Variants in KCNT2 observed in about 807,000 individuals in gnomAD.
The protein encoded by KCNT2 is potassium channel subfamily T member 2.
KCNT2 carries 67 observed loss-of-function variants against 153.8 expected under a neutral mutation model. The ratio of observed to expected loss-of-function variants is 0.44; its 90% CI spans 0.36 to 0.53. The LOEUF is 0.53. KCNT2 is among the 20% of genes least tolerant of loss of function. KCNT2 has a pLI of 0.00. For missense variants in KCNT2, 975 were observed against 1,354.8 expected (o/e 0.72, Z 4.40); for synonymous variants, 500 against 458.8 (o/e 1.09, Z -1.15).
intron 14 of KCNT2, among the ~76,000 whole-genome samples, chr1:196,361,682 G>A (rs556881978): frequency 1.3e-5 from 2 of 152,184 alleles, no homozygotes; most frequent in East Asian, 3.9e-4. Context: ...GGTGGTGTGG[G>A]GTAATAGGAG....
chr1:196,257,266 G>T, intron 26 of KCNT2: 1 of 984,910 alleles, frequency 1.0e-6, no homozygotes, highest in Non-Finnish European at 1.2e-6. Context: ...TAATATGTGG[G>T]TTTTTTCCTT....
rs115128217 is a variant in KCNT2 at position 196,324,248 on chromosome 1, C to T, written c.2276+2469G>A. On this transcript the variant is annotated intron_variant, in intron 19 of 27. Coordinates refer to ENST00000294725, the MANE Select transcript of KCNT2 (RefSeq NM_198503.5). ...AGGAAGGCAAAGGGAACTTTTAATGCAAAAATAAACCAAAGTTAAGATATA... is the reference window on the plus strand; with the variant it reads ...AGGAAGGCAAAGGGAACTTTTAATGTAAAAATAAACCAAAGTTAAGATATA... Among the ~76,000 whole-genome samples, 711 of 151,850 alleles carry T rather than the reference C, an allele frequency of 4.7e-3. 4 individuals carry two copies. Among genetic ancestry groups the T allele is most frequent in the African/African-American group, 0.017 (690 of 41,490 alleles).
intron 22 of KCNT2, among the ~76,000 whole-genome samples, chr1:196,286,713 T>C (rs1041107801): frequency 6.6e-6 from 1 of 151,954 alleles, no homozygotes; most frequent in African/African-American, 2.4e-5. Context: ...TGATATGGTG[T>C]ATGAGGGTTT....
chr1:196,454,793 AT>A (rs1228789233), intron 8 of KCNT2, among the ~76,000 whole-genome samples: 1 of 151,876 alleles, frequency 6.6e-6, no homozygotes, highest in Non-Finnish European at 1.5e-5. Flanking sequence ...ACACAAATTC[AT>A]TTTCTCACAA....
intron 19 of KCNT2, among the ~76,000 whole-genome samples, chr1:196,321,731 C>G (rs1204768161): frequency 2.6e-5 from 4 of 151,808 alleles, no homozygotes; most frequent in Non-Finnish European, 4.4e-5. Flanking sequence ...ATGCCGTATT[C>G]TTTGCAAAAT....
chr1:196,343,959 T>C (rs1665911185), intron 14 of KCNT2, among the ~76,000 whole-genome samples: 1 of 152,110 alleles, frequency 6.6e-6, no homozygotes, highest in Non-Finnish European at 1.5e-5. Flanking sequence ...TTTGTATTTT[T>C]AGTAGAGATG....
Position 196,342,066 on chromosome 1 carries a change from G to T in KCNT2, c.1553+13C>A. ...GATTGATATTTTAATTTTTCTCTGA[G>T]GCAGAAACATACTTTTTGTGTGCAT... On this transcript the variant is annotated intron_variant, in intron 15 of 27. Coordinates refer to ENST00000294725, the MANE Select transcript of KCNT2 (RefSeq NM_198503.5). 1 of 1,591,860 alleles carries T rather than the reference G, an allele frequency of 6.3e-7. No homozygotes were observed. Among genetic ancestry groups the T allele is most frequent in the Admixed American group, 1.8e-5 (1 of 56,882 alleles).
At position 196,333,871 on chromosome 1, in the gene KCNT2, T is replaced by C; in HGVS notation, c.1973A>G (p.Asp658Gly). The change falls in exon 17 of 28, where the codon GAT (aspartate) becomes GGT (glycine). Residue 658 changes from aspartate to glycine, a missense_variant. By Grantham distance (94) the Asp-to-Gly change is moderately conservative. This residue lies in a region of KCNT2 where 325 missense variants were observed against 388.1 expected (regional missense o/e 0.84). Transcript: ENST00000294725. ...SDQSEDETTP[D>G]EEMSSNLEYA... ...CTCTAAGTTTGAAGACATTTCTTCA[T>C]CTGGTGTAGTTTCATCTTCTGATTG... 1.2e-6 allele frequency: 2 copies of C among 1,610,086 alleles called. No individual in the cohort carries two copies. The highest frequency in any genetic ancestry group is 1.7e-4 in the Middle Eastern group (1 of 6,034).
intron 26 of KCNT2, among the ~76,000 whole-genome samples, chr1:196,244,464 C>T (rs1655245590): frequency 6.6e-6 from 1 of 152,022 alleles, no homozygotes; most frequent in African/African-American, 2.4e-5. Flanking sequence ...CAAAGGGGTG[C>T]CTACTGTCCT....
At chr1:196,341,971 G>T in intron 15 of KCNT2, 108 bp downstream of exon 15, 1 of 1,129,006 alleles carries the variant, frequency 8.9e-7, no homozygotes. Context: ...AAAAATTCCG[G>T]AATGCCTAAA....
chr1:196,284,409 T>A (rs1038425794), intron 23 of KCNT2, among the ~76,000 whole-genome samples: 17 of 148,798 alleles, frequency 1.1e-4, no homozygotes, highest in African/African-American at 3.9e-4. Flanking sequence ...TATAGAACAG[T>A]TTTTAGAACA....
intron 1 of KCNT2, among the ~76,000 whole-genome samples, chr1:196,561,163 C>T (rs1659328293): frequency 6.6e-6 from 1 of 151,464 alleles, no homozygotes; most frequent in African/African-American, 2.4e-5. Context: ...TATTAATTAG[C>T]TTGATTTAAT....
chr1:196,590,457 T>C (rs1414861635), intron 1 of KCNT2, among the ~76,000 whole-genome samples: 1 of 152,152 alleles, frequency 6.6e-6, no homozygotes, highest in East Asian at 1.9e-4. Context: ...GTCACTGCAA[T>C]GGAGGACGGG....
chr1:196,498,156 A>G (rs1324761148), intron 1 of KCNT2, among the ~76,000 whole-genome samples: 4 of 152,228 alleles, frequency 2.6e-5, no homozygotes, highest in African/African-American at 9.6e-5. Flanking sequence ...GTTAAAATGC[A>G]ATTTTCCTGA....
chr1:196,444,972 C>T lies in KCNT2; in HGVS notation c.639-15215G>A, dbSNP rs940248019. On this transcript the variant is annotated intron_variant, in intron 8 of 27. Transcript: ENST00000294725. Reference sequence around the variant, plus strand: ...GCAAATAATAGATACAGAAATGCTACTAAATTCAGTCTAAAAGGATTTTCT... The same window carrying T: ...GCAAATAATAGATACAGAAATGCTATTAAATTCAGTCTAAAAGGATTTTCT... Among the ~76,000 whole-genome samples, 18 of 151,520 alleles carry T rather than the reference C, an allele frequency of 1.2e-4. No homozygotes were observed. The East Asian group carries it at 3.3e-3, about 28-fold the overall frequency.
At chr1:196,469,093 C>A in intron 5 of KCNT2, 25 bp from the exon 6 acceptor site, 1 of 1,449,994 alleles carries the variant, frequency 6.9e-7, no homozygotes, top group African/African-American at 1.4e-5. Context: ...TGAATAAAAA[C>A]GAAAGTCAAT....
intron 1 of KCNT2, among the ~76,000 whole-genome samples, chr1:196,601,293 A>G (rs775868774): frequency 1.3e-5 from 2 of 152,196 alleles, no homozygotes; most frequent in African/African-American, 2.4e-5. Flanking sequence ...CTCATCTTCA[A>G]TCATGCTCTC....
rs536094155 is a variant in KCNT2, at chr1:196,428,240, C to T, written c.849G>A (p.Glu283=). The change falls in exon 10 of 28, where the codon GAG becomes GAA. Residue 283 remains glutamate, a synonymous_variant. Coordinates refer to ENST00000294725, the MANE Select transcript of KCNT2 (RefSeq NM_198503.5). ...TATAGTTTCCTCCTGACTTTTGTCTCTCCATCCACAAATAAGCCAGCTGTT... is the reference window on the plus strand; with the variant it reads ...TATAGTTTCCTCCTGACTTTTGTCTTTCCATCCACAAATAAGCCAGCTGTT... The part of the protein sequence containing the change: ...QFEQLAYLWM[E]RQKSGGNYSR... 6.2e-7 allele frequency: 1 copy of T among 1,612,588 alleles called. No individual in the cohort carries two copies. The highest frequency in any genetic ancestry group is 1.1e-5 in the South Asian group (1 of 91,010).
chr1:196,429,322 A>C (rs1673932206), intron 9 of KCNT2, among the ~76,000 whole-genome samples: 1 of 152,082 alleles, frequency 6.6e-6, no homozygotes, highest in Admixed American at 6.6e-5. Flanking sequence ...CCTATACTAA[A>C]AAAAATCTTG....
Sources: gnomAD v4.1 joint callset for allele counts (sites outside exome capture counted in the v4.1 genomes callset) on GRCh38, gnomAD v4.1.1 for gene constraint, gnomAD v4.1.1 regional missense constraint, MANE v1.5 for transcripts, NCBI Gene and HGNC (gene_info 2026-07-23, HGNC 2026-07-21) for gene names.